Variants in GOLGA4 observed in about 807,000 individuals in gnomAD.
GOLGA4 encodes the protein golgin subfamily A member 4.
A neutral mutation model predicts 265.9 loss-of-function variants in GOLGA4; 169 were observed. The ratio of observed to expected loss-of-function variants is 0.64; its 90% CI spans 0.56 to 0.72. GOLGA4 has a LOEUF of 0.72. Ranked by LOEUF, GOLGA4 falls within the 30% of genes least tolerant of loss-of-function variation. The pLI, the probability that GOLGA4 is intolerant of heterozygous loss-of-function variation, is 0.00. For missense variants in GOLGA4, 2,482 were observed against 2,483.4 expected, an observed-to-expected ratio of 1.00 and a Z score of 0.01; for synonymous variants, 923 against 855.8, an observed-to-expected ratio of 1.08 and a Z score of -1.37.
chr3:37,328,595 C>T, intron 15 of GOLGA4, 58 bp downstream of exon 15: 1 of 1,492,860 alleles, frequency 6.7e-7, no homozygotes, highest in Non-Finnish European at 9.1e-7. Context: ...ATAATTTAAG[C>T]TTATCATTTT....
At chr3:37,359,022 A>G (rs1044904475) in intron 22 of GOLGA4, among the ~76,000 whole-genome samples, 2 of 152,226 alleles carry the variant, frequency 1.3e-5, no homozygotes, top group African/African-American at 2.4e-5. Context: ...TGTTTCAAGT[A>G]GGAAAAAGAA....
chr3:37,343,180 G>T lies in GOLGA4; in HGVS notation c.6472+2981G>T, dbSNP rs545507809. Among the ~76,000 whole-genome samples the T allele has an allele frequency of 2.6e-5, 4 of 152,336 alleles. No homozygotes were observed. The East Asian group carries it at 5.8e-4, about 22-fold the overall frequency. On this transcript the variant is annotated intron_variant, in intron 20 of 23. Transcript: ENST00000361924. ...CTTGTTGCCCATGCTGGAGCGCAATGGCGCGATCTCAGCTCACCGCAACCT... is the reference window on the plus strand; with the variant it reads ...CTTGTTGCCCATGCTGGAGCGCAATTGCGCGATCTCAGCTCACCGCAACCT...
intron 2 of GOLGA4, among the ~76,000 whole-genome samples, chr3:37,263,948 G>A (rs1416965650): frequency 6.6e-6 from 1 of 152,104 alleles, no homozygotes; most frequent in African/African-American, 2.4e-5. Context: ...GAATATTAGA[G>A]AACTGTTGCT....
chr3:37,337,298 C>A, intron 18 of GOLGA4, 135 bp downstream of exon 18: 1 of 625,166 alleles, frequency 1.6e-6, no homozygotes, highest in South Asian at 2.0e-5. Flanking sequence ...CTCCTGAGTT[C>A]AGGTATTCTC....
chr3:37,353,485 AG>A (rs2097081204), intron 21 of GOLGA4, among the ~76,000 whole-genome samples: 1 of 151,998 alleles, frequency 6.6e-6, no homozygotes, highest in African/African-American at 2.4e-5. Flanking sequence ...TTAAATGATG[AG>A]GGTTTTTGTA....
intron 23 of GOLGA4, 130 bp from the exon 24 acceptor site, chr3:37,365,950 C>G: frequency 1.5e-6 from 1 of 665,360 alleles, no homozygotes; most frequent in South Asian, 2.5e-5. Context: ...TGCCTCTTTA[C>G]TGCAGTCTCT....
intron 2 of GOLGA4, among the ~76,000 whole-genome samples, chr3:37,274,446 C>T (rs1008759833): frequency 6.6e-6 from 1 of 152,116 alleles, no homozygotes; most frequent in Non-Finnish European, 1.5e-5. Context: ...TATCCCAGCA[C>T]TTTAGGAGGC....
chr3:37,301,608 G>A (rs2096892800), intron 9 of GOLGA4, among the ~76,000 whole-genome samples: 1 of 152,144 alleles, frequency 6.6e-6, no homozygotes, highest in Non-Finnish European at 1.5e-5. Context: ...AATCTTTTAA[G>A]TAATAATGTT....
chr3:37,333,429 T>C (rs886556033), intron 16 of GOLGA4, among the ~76,000 whole-genome samples: 1 of 152,148 alleles, frequency 6.6e-6, no homozygotes, highest in Non-Finnish European at 1.5e-5. Flanking sequence ...ATAAAGGAAA[T>C]TACATAACTG....
chr3:37,269,657 C>T (rs1477930611), intron 2 of GOLGA4, among the ~76,000 whole-genome samples: 1 of 152,084 alleles, frequency 6.6e-6, no homozygotes, highest in Non-Finnish European at 1.5e-5. Context: ...AAAAGTTTGG[C>T]ACAAATGGAG....
In GOLGA4 at chr3:37,325,016, A is replaced by T; in HGVS notation, c.3130A>T (p.Ile1044Leu). Residue 1044 changes from isoleucine (I) to leucine (L), a missense_variant, in exon 14 of 24, where the codon ATA becomes TTA. Ile to Leu is a conservative substitution (Grantham distance 5, BLOSUM62 2). Transcript: ENST00000361924. Reference sequence around the variant, plus strand: ...TCATCGACGAGAACTCAATGATGTCATATCAATCTGGGAAAAGAAACTTAA... The same window carrying T: ...TCATCGACGAGAACTCAATGATGTCTTATCAATCTGGGAAAAGAAACTTAA... ...EVHRRELNDV[I>L]SIWEKKLNQQ... 2.5e-6 allele frequency: 4 copies of T among 1,612,954 alleles called. No homozygotes were observed. The highest frequency in any genetic ancestry group is 3.4e-6 in the Non-Finnish European group (4 of 1,179,580).
chr3:37,270,593 CT>C (rs1426623341), intron 2 of GOLGA4, among the ~76,000 whole-genome samples: 1 of 152,112 alleles, frequency 6.6e-6, no homozygotes, highest in Non-Finnish European at 1.5e-5. Context: ...TCTTGCTGTT[CT>C]TCCTCTTAAG....
In GOLGA4 at chr3:37,335,159, A is replaced by G. The variant is rs2097006082; in HGVS notation, c.6299A>G (p.Asn2100Ser). Residue 2100 changes from asparagine (N) to serine (S), a missense_variant, in exon 17 of 24, where the codon AAT becomes AGT. Around this residue, in one of 3 missense-constraint regions of GOLGA4, gnomAD observed 942 missense variants for 983.1 expected, o/e 0.96. Coordinates refer to ENST00000361924, the MANE Select transcript of GOLGA4 (RefSeq NM_002078.5). ...CTAGAGCAGGAGGAGAACCCTGGCA[A>G]TGATAATGTGAGAGGAGTTTGAGTT... ...QKLEQEENPGNDNVTIMELQT... is the reference protein window; with the variant it reads ...QKLEQEENPGSDNVTIMELQT... 1.3e-6 allele frequency: 2 copies of G among 1,561,552 alleles called. No homozygotes were observed. The highest frequency in any genetic ancestry group is 8.8e-7 in the Non-Finnish European group (1 of 1,135,986).
At position 37,325,672 on chromosome 3, in the gene GOLGA4, G is replaced by C; in HGVS notation, c.3786G>C (p.Glu1262Asp). ...AGCACCGTACAACTAAAGTTAAGGA[G>C]GCACTGTTAATTAAAACTTGCACAG... ...HCQHRTTKVKEALLIKTCTVS... is the reference protein window; with the variant it reads ...HCQHRTTKVKDALLIKTCTVS... Residue 1262 changes from glutamate (E) to aspartate (D), a missense_variant, in exon 14 of 24, where the codon GAG (glutamate) becomes GAC (aspartate). Transcript: ENST00000361924. 1 of 1,613,886 alleles carries C rather than the reference G, an allele frequency of 6.2e-7. No individual in the cohort carries two copies.
intron 11 of GOLGA4, among the ~76,000 whole-genome samples, chr3:37,318,450 GTTTAAT>G (rs1288336488): frequency 6.6e-6 from 1 of 152,046 alleles, no homozygotes; most frequent in Non-Finnish European, 1.5e-5. Context: ...ATGTGCAGCT[GTTTAAT>G]TTTATAATAT....
intron 2 of GOLGA4, 32 bp from the exon 3 acceptor site, chr3:37,281,926 A>G: frequency 6.6e-7 from 1 of 1,519,974 alleles, no homozygotes; most frequent in Non-Finnish European, 9.0e-7. Context: ...TATGTATTTT[A>G]ATCCACACAT....
At chr3:37,290,394 T>G (rs1189245842) in intron 5 of GOLGA4, among the ~76,000 whole-genome samples, 4 of 152,240 alleles carry the variant, frequency 2.6e-5, no homozygotes, top group African/African-American at 9.6e-5. Flanking sequence ...GCTATCATGT[T>G]TGATTTCTAG....
intron 1 of GOLGA4, among the ~76,000 whole-genome samples, chr3:37,246,080 G>A (rs1042033941): frequency 6.6e-6 from 1 of 151,844 alleles, no homozygotes; most frequent in Non-Finnish European, 1.5e-5. Flanking sequence ...GCCTGGCACC[G>A]TGGCTCATGC....
intron 2 of GOLGA4, among the ~76,000 whole-genome samples, chr3:37,274,372 C>G (rs1015268104): frequency 2.0e-5 from 3 of 151,470 alleles, no homozygotes; most frequent in Non-Finnish European, 2.9e-5. Context: ...GTTTGAACCC[C>G]TCCAAAAAAG....
Sources: allele counts gnomAD v4.1 joint callset (sites outside exome capture counted in the v4.1 genomes callset), GRCh38; gene constraint gnomAD v4.1.1; regional missense constraint gnomAD v4.1.1; transcripts MANE v1.5; gene names NCBI Gene and HGNC (gene_info 2026-07-23, HGNC 2026-07-21).